Variants in LCMT1 observed in about 807,000 individuals in gnomAD.
LCMT1 encodes leucine carboxyl methyltransferase 1.
Under a neutral mutation model 47.7 loss-of-function variants are expected in LCMT1, and 32 were observed. The observed-to-expected ratio is 0.67, with a 90% CI of 0.51 to 0.90. The LOEUF is 0.90. Among genes scored for constraint, LCMT1 ranks in the 40% least tolerant of loss-of-function variants. LCMT1 has a pLI of 0.00. For missense variants in LCMT1, 375 were observed against 415.2 expected (o/e 0.90, Z 0.84); for synonymous variants, 152 against 149.7 (o/e 1.02, Z -0.11).
rs549013368 is a variant in LCMT1 at position 25,121,633 on chromosome 16, G to A, written c.114-6842G>A. ...AGGCCTCAGGAAACTTAGTCATGGC[G>A]GAAGGCAAAGGAGAAGCAAGTACCT... On this transcript the variant is annotated intron_variant, in intron 1 of 10. Coordinates refer to ENST00000399069, the MANE Select transcript of LCMT1 (RefSeq NM_016309.3). 3.3e-5 allele frequency among the ~76,000 whole-genome samples: 5 copies of A among 152,206 alleles called. No homozygotes were observed. The South Asian group carries it at 6.2e-4, about 19-fold the overall frequency.
chr16:25,175,688 C>T (rs1354273320), intron 10 of LCMT1, among the ~76,000 whole-genome samples: 1 of 152,068 alleles, frequency 6.6e-6, no homozygotes, highest in African/African-American at 2.4e-5. Context: ...GCCTCAGCTT[C>T]CCAAAGTGCT....
At position 25,135,702 on chromosome 16, in the gene LCMT1, T is replaced by TA. The variant is rs543923172; in HGVS notation, c.327+3183dup. 2.0e-4 allele frequency among the ~76,000 whole-genome samples: 30 copies of TA among 152,204 alleles called. 1 individual carries two copies. The South Asian group carries it at 6.0e-3, about 30-fold the overall frequency. ...GAGTCATGGGTGTGAGCTTATTCCATAAAATCTCAGGAGCCCAAGACTGTA... is the reference window on the plus strand; with the variant it reads ...GAGTCATGGGTGTGAGCTTATTCCATAAAAATCTCAGGAGCCCAAGACTGTA... On this transcript the variant is annotated intron_variant, in intron 3 of 10. Transcript: ENST00000399069.
At chr16:25,142,155 T>C (rs1304398186) in intron 4 of LCMT1, 1 of 152,224 alleles carries the variant, frequency 6.6e-6, no homozygotes, top group African/African-American at 2.4e-5. Flanking sequence ...GAATACCCCA[T>C]GGGTGCACAA....
At chr16:25,133,837 C>T (rs1019379639) in intron 3 of LCMT1, among the ~76,000 whole-genome samples, 2 of 151,086 alleles carry the variant, frequency 1.3e-5, no homozygotes, top group African/African-American at 4.9e-5. Flanking sequence ...AGTTAGAGAC[C>T]AGCCTGGCCA....
chr16:25,136,491 C>G (rs896196119), intron 3 of LCMT1, among the ~76,000 whole-genome samples: 3 of 147,800 alleles, frequency 2.0e-5, no homozygotes, highest in Non-Finnish European at 4.5e-5. Context: ...TTTTTAAGTT[C>G]TGGGGTACAT....
chr16:25,128,743 G>A (rs569466525), intron 2 of LCMT1, among the ~76,000 whole-genome samples, 177 bp downstream of exon 2: 75 of 151,970 alleles, frequency 4.9e-4, no homozygotes, highest in Non-Finnish European at 6.3e-4. Flanking sequence ...AAAAAGGAAT[G>A]AGATCATGTC....
rs534663859 is a variant in LCMT1 at position 25,162,328 on chromosome 16, C to T, written c.569+1124C>T. Among the ~76,000 whole-genome samples the T allele has an allele frequency of 2.0e-5, 3 of 152,128 alleles. No homozygotes were observed. In the South Asian group the frequency reaches 6.2e-4, roughly 32 times the overall value. ...TATAGGCTGGGCGTGGTGCCTCATG[C>T]CTGTAATCTCAGCACTTTGGGAGGC... is the stretch of plus-strand genomic sequence containing the variant. On this transcript the variant is annotated intron_variant, in intron 6 of 10. Transcript: ENST00000399069.
At position 25,133,208 on chromosome 16, in the gene LCMT1, T is replaced by C. The variant is rs57079690; in HGVS notation, c.327+685T>C. Among the ~76,000 whole-genome samples the C allele has an allele frequency of 8.8e-3, 1,334 of 152,122 alleles. 19 individuals are homozygous for C. The highest frequency in any genetic ancestry group is 0.031 in the African/African-American group (1,269 of 41,500). On this transcript the variant is annotated intron_variant, in intron 3 of 10. Transcript: ENST00000399069. ...ACTAAGATTTTGTCAGGATAATGGC[T>C]TCTTGGGTAAAATTTGGAGATTCAT...
At chr16:25,140,311 GGCA>G in intron 4 of LCMT1, 64 bp downstream of exon 4, 2 of 1,239,932 alleles carry the variant, frequency 1.6e-6, no homozygotes, top group Non-Finnish European at 2.3e-6. Flanking sequence ...CTCAAGAGAT[GGCA>G]GATCTGAATG....
At chr16:25,176,550 CTTTTTTTTTTTTTTTTTT>C (rs1170373745) in intron 10 of LCMT1, among the ~76,000 whole-genome samples, 2 of 44,258 alleles carry the variant, frequency 4.5e-5, no homozygotes, top group Admixed American at 4.6e-4. Flanking sequence ...TTTTTTTTGG[CTTTTTTTTTTTTTTTTTT>C]TTTTTTTTTT....
At chr16:25,172,299 ACT>A (rs1385537038) in intron 9 of LCMT1, among the ~76,000 whole-genome samples, 2 of 145,018 alleles carry the variant, frequency 1.4e-5, no homozygotes, top group Non-Finnish European at 3.0e-5. Context: ...CAAGAGCGAA[ACT>A]CTGTCTCAAA....
chr16:25,146,353 A>G (rs1391405479), intron 4 of LCMT1: 2 of 152,396 alleles, frequency 1.3e-5, no homozygotes, highest in Admixed American at 6.5e-5. Flanking sequence ...CTCATCTGAA[A>G]GCTTGGTGAG....
At chr16:25,144,900 G>A (rs1162419893) in intron 4 of LCMT1, 2 of 152,230 alleles carry the variant, frequency 1.3e-5, no homozygotes, top group Admixed American at 6.5e-5. Flanking sequence ...AAGGTAAGTG[G>A]TTTTTCTCAG....
At chr16:25,136,090 CAA>C (rs36051960) in intron 3 of LCMT1, among the ~76,000 whole-genome samples, 21 of 69,156 alleles carry the variant, frequency 3.0e-4, no homozygotes, top group Admixed American at 3.2e-4. Context: ...GATGCTGTCT[CAA>C]AAAAAAAAAA....
rs1487081708 is a variant in LCMT1, at chr16:25,176,466, C to T, written c.982+1432C>T. The stretch of plus-strand genomic sequence containing the variant: ...CAGCCCCTTTGGACCTGTCATTCCA[C>T]ACAGATTTGCCTAGCTATGCAGCTC... On this transcript the variant is annotated intron_variant, in intron 10 of 10. Coordinates refer to ENST00000399069, the MANE Select transcript of LCMT1 (RefSeq NM_016309.3). 2.0e-5 allele frequency among the ~76,000 whole-genome samples: 3 copies of T among 151,596 alleles called. No homozygotes were observed. In the South Asian group the frequency reaches 6.3e-4, roughly 32 times the overall value.
intron 4 of LCMT1, chr16:25,140,491 G>C: frequency 2.1e-6 from 1 of 472,804 alleles, no homozygotes; most frequent in Admixed American, 3.4e-5. Context: ...CAATTAACAC[G>C]AGGCCAACCA....
intron 4 of LCMT1, 167 bp from the exon 5 acceptor site, chr16:25,151,387 A>C: frequency 1.6e-6 from 1 of 616,904 alleles, no homozygotes; most frequent in South Asian, 2.0e-5. Flanking sequence ...TTAGGGTCAA[A>C]AGTAATTAAA....
chr16:25,170,434 A>G (rs1864107493), intron 8 of LCMT1, among the ~76,000 whole-genome samples: 1 of 152,128 alleles, frequency 6.6e-6, no homozygotes, highest in African/African-American at 2.4e-5. Context: ...TGGGCTTTTG[A>G]GAAAGGAGTC....
intron 7 of LCMT1, 36 bp from the exon 8 acceptor site, chr16:25,169,076 C>T (rs1412356262): frequency 1.6e-5 from 22 of 1,415,434 alleles, no homozygotes; most frequent in Non-Finnish European, 2.2e-5. Context: ...TTAGGAAACC[C>T]TTAGAGTAAT....
Sources: gnomAD v4.1 joint callset for allele counts (sites outside exome capture counted in the v4.1 genomes callset) on GRCh38, gnomAD v4.1.1 for gene constraint, MANE v1.5 for transcripts, NCBI Gene and HGNC (gene_info 2026-07-23, HGNC 2026-07-21) for gene names.